Variants in AGBL1 observed in about 807,000 individuals in gnomAD.
AGBL1 encodes AGBL carboxypeptidase 1, also known as cytosolic carboxypeptidase 4.
Under a neutral mutation model 118.9 loss-of-function variants are expected in AGBL1, and 130 were observed. That is an observed-to-expected ratio of 1.09 (90% CI 0.95 to 1.26). The LOEUF is 1.26. AGBL1 is among the 50% of genes most tolerant of loss of function. The pLI, the probability that AGBL1 is intolerant of heterozygous loss-of-function variation, is 0.00. For missense variants in AGBL1, 1,584 were observed against 1,298.1 expected, an observed-to-expected ratio of 1.22 and a Z score of -3.38; for synonymous variants, 555 against 478.9, an observed-to-expected ratio of 1.16 and a Z score of -2.08.
intron 22 of AGBL1, among the ~76,000 whole-genome samples, chr15:86,690,899 C>G (rs1169779648): frequency 6.6e-6 from 1 of 151,962 alleles, no homozygotes; most frequent in South Asian, 2.1e-4. Context: ...ATAAGCTTGT[C>G]TAATTTATTT....
rs560665986 is a variant in AGBL1, at chr15:86,561,158, A to G, written c.2994+6621A>G. ...TAGTTTAATTAGATCCCATTTGTCA[A>G]TTTTGGCTTTTGTTGCCATTGCTTT... On this transcript the variant is annotated intron_variant, in intron 21 of 22. Transcript: ENST00000614907. Among the ~76,000 whole-genome samples the G allele has an allele frequency of 4.2e-4, 64 of 152,208 alleles. No individual in the cohort carries two copies. In the South Asian group the frequency reaches 0.012, roughly 30 times the overall value.
At chr15:86,986,468 A>G (rs1417362170) in intron 23 of AGBL1, among the ~76,000 whole-genome samples, 4 of 152,180 alleles carry the variant, frequency 2.6e-5, no homozygotes, top group Non-Finnish European at 4.4e-5. Flanking sequence ...TTCTTTTTCA[A>G]ACTTGTAGTC....
At chr15:86,833,405 T>G (rs1339590501) in intron 22 of AGBL1, among the ~76,000 whole-genome samples, 1 of 152,100 alleles carries the variant, frequency 6.6e-6, no homozygotes, top group African/African-American at 2.4e-5. Context: ...TTTCCCATGC[T>G]ATTCTCCTGA....
intron 24 of AGBL1, among the ~76,000 whole-genome samples, chr15:87,022,597 C>T (rs531125716): frequency 3.9e-5 from 6 of 152,128 alleles, no homozygotes; most frequent in South Asian, 2.1e-4. Context: ...ATACAAGAAG[C>T]TCAAGGAACA....
chr15:86,938,919 C>T (rs1471084298), intron 23 of AGBL1: 1 of 152,358 alleles, frequency 6.6e-6, no homozygotes, highest in East Asian at 1.9e-4. Flanking sequence ...CAGGACCTTG[C>T]AGCATCAATC....
At chr15:86,971,982 C>T (rs1350094748) in intron 23 of AGBL1, among the ~76,000 whole-genome samples, 1 of 151,964 alleles carries the variant, frequency 6.6e-6, no homozygotes, top group Non-Finnish European at 1.5e-5. Context: ...GCCTGCTTCC[C>T]CTTCACCTTC....
At chr15:86,427,110 A>G (rs1035267345) in intron 18 of AGBL1, among the ~76,000 whole-genome samples, 2 of 152,226 alleles carry the variant, frequency 1.3e-5, no homozygotes, top group African/African-American at 4.8e-5. Context: ...CTAAAGAAAA[A>G]AAAATTGACT....
chr15:86,859,324 C>A (rs963830051), intron 22 of AGBL1, among the ~76,000 whole-genome samples: 1 of 152,180 alleles, frequency 6.6e-6, no homozygotes, highest in African/African-American at 2.4e-5. Flanking sequence ...AAAGGATATT[C>A]ATGGGCACTA....
intron 22 of AGBL1, among the ~76,000 whole-genome samples, chr15:86,822,192 T>C (rs2078951312): frequency 1.3e-5 from 2 of 152,184 alleles, no homozygotes; most frequent in Non-Finnish European, 2.9e-5. Context: ...TGTGATGCAA[T>C]AGCTTCATGA....
intron 21 of AGBL1, among the ~76,000 whole-genome samples, chr15:86,572,112 T>G (rs1177132100): frequency 6.6e-6 from 1 of 152,134 alleles, no homozygotes; most frequent in African/African-American, 2.4e-5. Flanking sequence ...CTGACTTTAC[T>G]CTGAGATTGG....
chr15:86,799,600 C>G (rs1433161554), intron 22 of AGBL1, among the ~76,000 whole-genome samples: 1 of 152,066 alleles, frequency 6.6e-6, no homozygotes, highest in African/African-American at 2.4e-5. Context: ...TATGTAAAAT[C>G]TAGAATTCTT....
chr15:86,963,173 T>C (rs72755673), intron 23 of AGBL1, among the ~76,000 whole-genome samples: 5,931 of 152,076 alleles, frequency 0.039, 157 homozygotes, highest in Middle Eastern at 0.071. Flanking sequence ...ACAAAAGCCA[T>C]GGACAACCTG....
intron 18 of AGBL1, among the ~76,000 whole-genome samples, chr15:86,407,935 C>T (rs1402583605): frequency 6.6e-6 from 1 of 152,064 alleles, no homozygotes; most frequent in Admixed American, 6.6e-5. Context: ...TTTTGCAGTG[C>T]TCACCCACAA....
intron 22 of AGBL1, among the ~76,000 whole-genome samples, chr15:86,820,558 G>T (rs555290578): frequency 6.6e-6 from 1 of 151,996 alleles, no homozygotes; most frequent in African/African-American, 2.4e-5. Context: ...ACATTTTTGC[G>T]GCCAAGAAAC....
At chr15:86,416,811 T>C (rs2081702584) in intron 18 of AGBL1, among the ~76,000 whole-genome samples, 1 of 152,186 alleles carries the variant, frequency 6.6e-6, no homozygotes, top group African/African-American at 2.4e-5. Flanking sequence ...CAACCTAGTT[T>C]TTCATTGTAT....
intron 22 of AGBL1, among the ~76,000 whole-genome samples, chr15:86,749,838 C>G (rs1045755700): frequency 1.3e-5 from 2 of 152,106 alleles, no homozygotes; most frequent in African/African-American, 4.8e-5. Flanking sequence ...GTTGAACCAG[C>G]CTTGCATCCC....
chr15:86,783,607 G>C (rs1458856041), intron 22 of AGBL1, among the ~76,000 whole-genome samples: 1 of 152,092 alleles, frequency 6.6e-6, no homozygotes. Context: ...CACACTGTGA[G>C]GTTCTTTGGG....
chr15:86,353,197 G>A (rs895259665), intron 17 of AGBL1, among the ~76,000 whole-genome samples: 2 of 152,204 alleles, frequency 1.3e-5, no homozygotes, highest in African/African-American at 4.8e-5. Context: ...CTGAGTGAGG[G>A]AAGTCAGTTG....
At chr15:86,314,427 C>G (rs971323922) in intron 17 of AGBL1, among the ~76,000 whole-genome samples, 1 of 152,144 alleles carries the variant, frequency 6.6e-6, no homozygotes, top group Non-Finnish European at 1.5e-5. Flanking sequence ...GGCATGGTGT[C>G]CCCATGGCCA....
Sources: allele counts gnomAD v4.1 joint callset (sites outside exome capture counted in the v4.1 genomes callset), GRCh38; gene constraint gnomAD v4.1.1; transcripts MANE v1.5; gene names NCBI Gene and HGNC (gene_info 2026-07-23, HGNC 2026-07-21).